The following ASIC2 variants were observed in gnomAD, a reference collection of about 807,000 sequenced individuals.
The protein encoded by ASIC2 is acid sensing ion channel subunit 2, also known as acid-sensing ion channel 2.
ASIC2 carries 25 observed loss-of-function variants against 57.3 expected under a neutral mutation model. That is an observed-to-expected ratio of 0.44 (90% CI 0.32 to 0.61). ASIC2 has a LOEUF of 0.61. Ranked by LOEUF, ASIC2 falls within the 20% of genes least tolerant of loss-of-function variation. The pLI, the probability that ASIC2 is intolerant of heterozygous loss-of-function variation, is 0.06. For missense variants in ASIC2, 641 were observed against 738.1 expected, an observed-to-expected ratio of 0.87 and a Z score of 1.52; for synonymous variants, 319 against 307.5, an observed-to-expected ratio of 1.04 and a Z score of -0.39.
chr17:33,432,373 G>C (rs1417754435), intron 1 of ASIC2, among the ~76,000 whole-genome samples: 1 of 152,132 alleles, frequency 6.6e-6, no homozygotes, highest in Non-Finnish European at 1.5e-5. Context: ...AAAATTGGCT[G>C]GGCATGGTGG....
intron 1 of ASIC2, chr17:33,936,665 C>T (rs1916070282): frequency 6.6e-6 from 1 of 152,198 alleles, no homozygotes; most frequent in Non-Finnish European, 1.5e-5. Context: ...CCCGCAGAAC[C>T]ACCTCAAGGC....
chr17:33,674,347 C>T, intron 1 of ASIC2, among the ~76,000 whole-genome samples: 1 of 152,152 alleles, frequency 6.6e-6, no homozygotes, highest in East Asian at 1.9e-4. Context: ...TCTGAGTTAC[C>T]TTTGAAACTC....
chr17:33,500,767 T>A (rs1230989141), intron 1 of ASIC2, among the ~76,000 whole-genome samples: 1 of 152,220 alleles, frequency 6.6e-6, no homozygotes, highest in Non-Finnish European at 1.5e-5. Context: ...TGGTAAGATG[T>A]GTGTTTTCCT....
intron 1 of ASIC2, among the ~76,000 whole-genome samples, chr17:34,009,498 ATAT>A (rs1295422858): frequency 6.6e-6 from 1 of 152,224 alleles, no homozygotes; most frequent in Non-Finnish European, 1.5e-5. Context: ...TGTTGAAATG[ATAT>A]TATTTTGGAT....
intron 1 of ASIC2, among the ~76,000 whole-genome samples, chr17:33,800,695 A>T (rs1422547967): frequency 1.3e-5 from 2 of 152,088 alleles, no homozygotes; most frequent in Non-Finnish European, 2.9e-5. Context: ...ATTGCAGGAG[A>T]TTCCTATTAT....
At chr17:33,367,849 C>G (rs1005055915) in intron 1 of ASIC2, among the ~76,000 whole-genome samples, 3 of 152,174 alleles carry the variant, frequency 2.0e-5, no homozygotes, top group Non-Finnish European at 4.4e-5. Flanking sequence ...TTATTTTTCT[C>G]TAAAGGAATA....
At chr17:33,838,512 A>G (rs1240467383) in intron 1 of ASIC2, among the ~76,000 whole-genome samples, 1 of 152,010 alleles carries the variant, frequency 6.6e-6, no homozygotes, top group African/African-American at 2.4e-5. Flanking sequence ...AAATAACTAC[A>G]ACTGTCAATG....
At chr17:34,075,500 AATAGAT>A (rs1404700953) in intron 1 of ASIC2, among the ~76,000 whole-genome samples, 2 of 152,198 alleles carry the variant, frequency 1.3e-5, no homozygotes, top group Non-Finnish European at 2.9e-5. Flanking sequence ...CAACACATTA[AATAGAT>A]AATAAAGGTA....
intron 1 of ASIC2, among the ~76,000 whole-genome samples, chr17:33,949,757 C>A (rs1904499488): frequency 6.6e-6 from 1 of 152,186 alleles, no homozygotes; most frequent in Admixed American, 6.5e-5. Flanking sequence ...CCAATCTTAT[C>A]AAACGGTTGT....
At chr17:34,026,175 G>C (rs1344796086) in intron 1 of ASIC2, among the ~76,000 whole-genome samples, 1 of 152,164 alleles carries the variant, frequency 6.6e-6, no homozygotes, top group Non-Finnish European at 1.5e-5. Context: ...TTTTTGCAGA[G>C]ACTGTGGAAA....
intron 1 of ASIC2, among the ~76,000 whole-genome samples, chr17:33,684,959 G>A (rs8069370): frequency 0.44 from 67,533 of 151,964 alleles, 16,764 homozygotes; most frequent in African/African-American, 0.68. Context: ...TGAGACAGAT[G>A]TAAGTGGAGC....
rs1428877024 is a variant in ASIC2, at chr17:33,995,313, C to T, written c.555+160665G>A. 4.6e-5 allele frequency among the ~76,000 whole-genome samples: 7 copies of T among 152,224 alleles called. No homozygotes were observed. The East Asian group carries it at 1.4e-3, about 29-fold the overall frequency. ...CCTTTTCCTGTCCTCAACACAAAGT[C>T]CAATCCTGACCTCTTAACCTTCAAG... On this transcript the variant is annotated intron_variant, in intron 1 of 9. Coordinates refer to the ASIC2 transcript ENST00000359872.
intron 1 of ASIC2, among the ~76,000 whole-genome samples, chr17:33,134,220 A>G (rs990328920): frequency 2.6e-5 from 4 of 152,234 alleles, no homozygotes; most frequent in Admixed American, 1.3e-4. Context: ...AAGAAAGCCA[A>G]GCTCAGAAAG....
intron 1 of ASIC2, among the ~76,000 whole-genome samples, chr17:33,198,267 C>T (rs1036754044): frequency 7.9e-5 from 12 of 152,136 alleles, no homozygotes; most frequent in Non-Finnish European, 1.6e-4. Flanking sequence ...TGGGAGGATC[C>T]CTTGAACTCG....
chr17:34,002,188 A>C (rs1012799502), intron 1 of ASIC2: 3 of 152,230 alleles, frequency 2.0e-5, no homozygotes, highest in African/African-American at 7.2e-5. Context: ...AGGACTCTAC[A>C]AACCACATTT....
Position 33,770,346 on chromosome 17 carries a change from CCTCA to C in ASIC2, c.555+385628_555+385631del, listed in dbSNP as rs1467412882. Among the ~76,000 whole-genome samples, 24 of 152,222 alleles carry C rather than the reference CCTCA, an allele frequency of 1.6e-4. 1 individual carries two copies. The highest frequency in any genetic ancestry group is 5.8e-4 in the African/African-American group (24 of 41,458). On this transcript the variant is annotated intron_variant, in intron 1 of 9. Transcript: ENST00000359872. The stretch of plus-strand genomic sequence containing the variant: ...TCTTCCTCTGTAAAGCGAAAGCTGG[CCTCA>C]TACAGTTGGTGTAAACATTTAATGG...
At chr17:33,449,922 C>G (rs1226124875) in intron 1 of ASIC2, among the ~76,000 whole-genome samples, 1 of 152,072 alleles carries the variant, frequency 6.6e-6, no homozygotes, top group Non-Finnish European at 1.5e-5. Context: ...GCATGTGCCA[C>G]CACACCAACT....
At chr17:33,853,411 A>G (rs71379422) in intron 1 of ASIC2, among the ~76,000 whole-genome samples, 16,105 of 152,164 alleles carry the variant, frequency 0.11, 1,347 homozygotes, top group East Asian at 0.32. Flanking sequence ...GCATTGATTC[A>G]TTTCGGTTTG....
At chr17:34,054,839 G>A (rs141838934) in intron 1 of ASIC2, among the ~76,000 whole-genome samples, 114 of 152,342 alleles carry the variant, frequency 7.5e-4, no homozygotes, top group African/African-American at 2.6e-3. Context: ...GCAACTGAGA[G>A]AGACATTATG....
Sources: allele counts gnomAD v4.1 joint callset (sites outside exome capture counted in the v4.1 genomes callset), GRCh38; gene constraint gnomAD v4.1.1; transcripts MANE v1.5; gene names NCBI Gene and HGNC (gene_info 2026-07-23, HGNC 2026-07-21).